Variants in ERBB3 observed in about 807,000 individuals in gnomAD.
ERBB3 encodes receptor tyrosine-protein kinase erbB-3.
ERBB3 carries 96 observed loss-of-function variants against 156.7 expected under a neutral mutation model. The observed-to-expected ratio is 0.61, with a 90% CI of 0.52 to 0.73. ERBB3 has a LOEUF of 0.73. Ranked by LOEUF, ERBB3 falls within the 30% of genes least tolerant of loss-of-function variation. The pLI is 0.00. For missense variants in ERBB3, 1,406 were observed against 1,709.4 expected (o/e 0.82, Z 3.13); for synonymous variants, 567 against 632.0 (o/e 0.90, Z 1.54).
intron 13 of ERBB3, 92 bp from the exon 14 acceptor site, chr12:56,094,006 TG>T (rs769258043): frequency 6.0e-5 from 94 of 1,566,176 alleles, no homozygotes; most frequent in Non-Finnish European, 7.9e-5. Context: ...TGTGCCTTGG[TG>T]GGATTGAGGT....
In ERBB3 at chr12:56,099,837, G is replaced by T. The variant is rs1343971705; in HGVS notation, c.2938-1G>T. 6 of 1,613,830 alleles carry T rather than the reference G, an allele frequency of 3.7e-6. No individual in the cohort carries two copies. The highest frequency in any genetic ancestry group is 1.3e-5 in the African/African-American group (1 of 74,936). ...CCCCTAACAATCACCTATCGATATAGAGAGAGAGTGGGCCTGGAATAGCCC... is the reference window on the plus strand; with the variant it reads ...CCCCTAACAATCACCTATCGATATATAGAGAGAGTGGGCCTGGAATAGCCC... On this transcript the variant is annotated splice_acceptor_variant, in intron 24 of 27. Coordinates refer to ENST00000267101, the MANE Select transcript of ERBB3 (RefSeq NM_001982.4). LOFTEE classifies it high-confidence loss of function.
At chr12:56,091,294 AT>A (rs1215867774) in intron 9 of ERBB3, among the ~76,000 whole-genome samples, 3 of 57,380 alleles carry the variant, frequency 5.2e-5, no homozygotes, top group Admixed American at 4.5e-4. Flanking sequence ...ATATATATAT[AT>A]AAATAATATA....
intron 21 of ERBB3, 34 bp downstream of exon 21, chr12:56,097,974 G>T: frequency 1.2e-6 from 2 of 1,609,178 alleles, no homozygotes; most frequent in Non-Finnish European, 1.7e-6. Flanking sequence ...AGGCGGGGGT[G>T]GAGTGAAGCA....
chr12:56,089,269 C>T, intron 9 of ERBB3: 1 of 382,608 alleles, frequency 2.6e-6, no homozygotes, highest in Non-Finnish European at 5.0e-6. Context: ...AGGCACACAC[C>T]ATCATACTTG....
chr12:56,083,493 A>G lies in ERBB3; in HGVS notation c.83-258A>G. ...TAACCCCTTAGTACCCAAAAGAAGC[A>G]CAGAGGGGTCCCAGGTTGAAAAAGG... On this transcript the variant is annotated intron_variant, in intron 1 of 27. Coordinates refer to ENST00000267101, the MANE Select transcript of ERBB3 (RefSeq NM_001982.4). 3 of 507,902 alleles carry G rather than the reference A, an allele frequency of 5.9e-6. No individual in the cohort carries two copies. In the South Asian group the frequency reaches 6.1e-5, roughly 10 times the overall value. 31.5% of individuals were successfully genotyped at this position (507,902 alleles called of 1,614,324 possible). A position where few individuals can be genotyped will look rare whatever the true frequency, so the allele number is the denominator to read the frequency against.
chr12:56,099,943 T>C lies in ERBB3; in HGVS notation c.3043T>C (p.Leu1015=). Residue 1015 remains leucine, a synonymous_variant, in exon 25 of 28, where the codon TTG becomes CTG. Transcript: ENST00000267101. ...LEPELDLDLD[L]EAEEDNLATT... ...GCCAGAACTAGACCTAGACCTAGAC[T>C]TGGAAGCAGAGGAGGACAACCTGGC... 2.5e-6 allele frequency: 4 copies of C among 1,614,164 alleles called. No individual in the cohort carries two copies. The highest frequency in any genetic ancestry group is 3.4e-6 in the Non-Finnish European group (4 of 1,180,006).
chr12:56,085,843 G>A (rs1868463568), intron 3 of ERBB3, among the ~76,000 whole-genome samples: 1 of 151,282 alleles, frequency 6.6e-6, no homozygotes, highest in African/African-American at 2.4e-5. Flanking sequence ...GCCAAGGCAG[G>A]TGGATCACAA....
chr12:56,088,718 A>G (rs1592226959), intron 8 of ERBB3, 30 bp from the exon 9 acceptor site: 1 of 1,613,924 alleles, frequency 6.2e-7, no homozygotes, highest in Non-Finnish European at 8.5e-7. Flanking sequence ...TGCGCAGACC[A>G]CCCCCACTGA....
intron 16 of ERBB3, 162 bp from the exon 17 acceptor site, chr12:56,095,503 G>A: frequency 1.0e-6 from 1 of 957,204 alleles, no homozygotes; most frequent in Non-Finnish European, 1.6e-6. Context: ...AGTAGTCTAA[G>A]ACTGGTCCAG....
At chr12:56,085,795 C>T (rs956040594) in intron 3 of ERBB3, among the ~76,000 whole-genome samples, 30 of 142,754 alleles carry the variant, frequency 2.1e-4, no homozygotes, top group African/African-American at 6.7e-4. Context: ...AAAGCCTGGG[C>T]GCGGTGGCTC....
intron 3 of ERBB3, among the ~76,000 whole-genome samples, chr12:56,086,063 CAAAAAAAAAAAA>C (rs56926853): frequency 1.1e-5 from 1 of 89,422 alleles, no homozygotes; most frequent in African/African-American, 4.8e-5. Context: ...AGCGAGACTC[CAAAAAAAAAAAA>C]AAAAAAAAAA....
At chr12:56,101,417 C>T in intron 27 of ERBB3, 56 bp downstream of exon 27, 3 of 1,596,210 alleles carry the variant, frequency 1.9e-6, no homozygotes, top group Non-Finnish European at 1.7e-6. Context: ...TTTCCCCGGG[C>T]TCCTCTTTTT....
intron 26 of ERBB3, 153 bp downstream of exon 26, chr12:56,100,398 T>C (rs1869050619): frequency 1.3e-5 from 9 of 711,232 alleles, no homozygotes; most frequent in East Asian, 5.5e-5. Flanking sequence ...TCCCAGCACT[T>C]TGGGAGGCCA....
intron 7 of ERBB3, 145 bp from the exon 8 acceptor site, chr12:56,088,398 G>A (rs1034016188): frequency 8.2e-6 from 7 of 854,554 alleles, no homozygotes; most frequent in Admixed American, 1.7e-5. Context: ...TGAATCTATA[G>A]GGCAGCACTT....
rs759676510 is a variant in ERBB3 at position 56,096,544 on chromosome 12, C to G, written c.2097C>G (p.Val699=). Reference sequence around the variant, plus strand: ...ACCCCAGTGAGAAGGCTAACAAAGTCTTGGCCAGAATCTTCAAAGAGACAG... The same window carrying G: ...ACCCCAGTGAGAAGGCTAACAAAGTGTTGGCCAGAATCTTCAAAGAGACAG... ...PLDPSEKANK[V]LARIFKETEL... is the part of the protein sequence containing the mutation. Residue 699 remains valine, a synonymous_variant, in exon 18 of 28, where the codon GTC becomes GTG. Transcript: ENST00000267101. 26 of 1,614,172 alleles carry G rather than the reference C, an allele frequency of 1.6e-5. No individual in the cohort carries two copies. Among genetic ancestry groups the G allele is most frequent in the Non-Finnish European group, 2.1e-5 (25 of 1,180,010 alleles).
chr12:56,084,050 C>A (rs1399160091), intron 2 of ERBB3, 148 bp downstream of exon 2: 5 of 820,506 alleles, frequency 6.1e-6, no homozygotes, highest in Non-Finnish European at 1.0e-5. Context: ...TTTATGGGGA[C>A]AGTGGCTGTC....
At chr12:56,093,216 C>A in intron 11 of ERBB3, 129 bp from the exon 12 acceptor site, 1 of 1,160,210 alleles carries the variant, frequency 8.6e-7, no homozygotes, top group Non-Finnish European at 1.3e-6. Flanking sequence ...GAGGAAAAGG[C>A]AAAAGGAGGG....
At chr12:56,094,982 G>A (rs1398555024) in intron 15 of ERBB3, among the ~76,000 whole-genome samples, 2 of 151,932 alleles carry the variant, frequency 1.3e-5, no homozygotes, top group Non-Finnish European at 2.9e-5. Context: ...TCCCAGCTGT[G>A]TAGCGAAGGA....
At chr12:56,098,927 A>G (rs1439260057) in intron 23 of ERBB3, 22 bp downstream of exon 23, 3 of 1,601,226 alleles carry the variant, frequency 1.9e-6, no homozygotes, top group Non-Finnish European at 2.6e-6. Flanking sequence ...GCTGAGCCCA[A>G]CCATTTTCTC....
Sources: allele counts gnomAD v4.1 joint callset (sites outside exome capture counted in the v4.1 genomes callset), GRCh38; gene constraint gnomAD v4.1.1; transcripts MANE v1.5; gene names NCBI Gene and HGNC (gene_info 2026-07-23, HGNC 2026-07-21).